AVEN: variants seen among roughly 807,000 people sequenced by gnomAD.
AVEN encodes cell death regulator Aven.
Under a neutral mutation model 38.1 loss-of-function variants are expected in AVEN, and 41 were observed. The ratio of observed to expected loss-of-function variants is 1.08; its 90% CI spans 0.84 to 1.40. The LOEUF (loss-of-function observed/expected upper bound fraction) is 1.40, where lower values mean the gene tolerates loss of function less well. Among genes scored for constraint, AVEN ranks in the 40% most tolerant of loss-of-function variants. AVEN has a pLI of 0.00. For synonymous variants in AVEN, 206 were observed against 171.8 expected (o/e 1.20, Z -1.56); for missense variants, 605 against 438.8 (o/e 1.38, Z -3.38).
chr15:34,006,800 T>C (rs1897369634), intron 1 of AVEN, among the ~76,000 whole-genome samples: 1 of 152,122 alleles, frequency 6.6e-6, no homozygotes, highest in Non-Finnish European at 1.5e-5. Flanking sequence ...AATATAATAA[T>C]AAAAAAGTTT....
chr15:33,876,734 A>C (rs1199345750), intron 2 of AVEN, among the ~76,000 whole-genome samples: 1 of 152,222 alleles, frequency 6.6e-6, no homozygotes, highest in Non-Finnish European at 1.5e-5. Flanking sequence ...CCTGGTCAGA[A>C]TGTCAAACAT....
At chr15:33,901,988 G>T (rs189841056) in intron 2 of AVEN, among the ~76,000 whole-genome samples, 187 of 152,100 alleles carry the variant, frequency 1.2e-3, no homozygotes, top group African/African-American at 4.4e-3. Context: ...TTGTTGACTG[G>T]TTTTTTGTTT....
chr15:33,945,331 A>G (rs1250734033), intron 2 of AVEN, among the ~76,000 whole-genome samples: 3 of 152,144 alleles, frequency 2.0e-5, no homozygotes, highest in African/African-American at 7.2e-5. Flanking sequence ...GCTTTTCTCC[A>G]CCGTAAGTGT....
intron 2 of AVEN, among the ~76,000 whole-genome samples, chr15:34,002,547 A>C (rs527363517): frequency 6.6e-6 from 1 of 152,314 alleles, no homozygotes; most frequent in Admixed American, 6.5e-5. Flanking sequence ...GACAGAGAAG[A>C]CTATCCAAAA....
chr15:33,854,352 A>T, downstream of AVEN: 1 of 1,527,272 alleles, frequency 6.5e-7, no homozygotes, highest in Non-Finnish European at 8.9e-7. Flanking sequence ...CTACCTCTTG[A>T]CATTTATAAG....
chr15:33,929,505 A>G (rs912759702), intron 2 of AVEN, among the ~76,000 whole-genome samples: 2 of 152,198 alleles, frequency 1.3e-5, no homozygotes, highest in African/African-American at 4.8e-5. Flanking sequence ...CTTGTGAGCT[A>G]CCCAAGTAAA....
chr15:33,913,629 T>C (rs1404952314), intron 2 of AVEN, among the ~76,000 whole-genome samples: 2 of 152,184 alleles, frequency 1.3e-5, no homozygotes, highest in African/African-American at 4.8e-5. Context: ...CAAATTACCT[T>C]AAGTCATTGA....
chr15:33,894,351 C>G (rs557460), intron 2 of AVEN, among the ~76,000 whole-genome samples: 124,486 of 151,818 alleles, frequency 0.82, 55,111 homozygotes, highest in Non-Finnish European at 0.98. Flanking sequence ...GCACTGGATA[C>G]TGCAGCTACA....
At chr15:33,872,382 C>G (rs144934379) in intron 3 of AVEN, among the ~76,000 whole-genome samples, 1 of 152,238 alleles carries the variant, frequency 6.6e-6, no homozygotes, top group South Asian at 2.1e-4. Context: ...AAAAACATAC[C>G]CTTCAATCAG....
chr15:34,060,964 C>G (rs139338888), intron 5 of AVEN, among the ~76,000 whole-genome samples: 3,153 of 149,978 alleles, frequency 0.021, 87 homozygotes, highest in African/African-American at 0.052. Context: ...TGCAGTGAGC[C>G]GAGATAGCGC....
Position 34,063,044 on chromosome 15 carries a change from G to A in AVEN, n.1515C>T. 2 of 1,614,192 alleles carry A rather than the reference G, an allele frequency of 1.2e-6. No homozygotes were observed. Among genetic ancestry groups the A allele is most frequent in the Non-Finnish European group, 1.7e-6 (2 of 1,180,036 alleles). On this transcript the variant is annotated non_coding_transcript_exon_variant, in exon 5 of 12. Transcript: ENST00000675287. This position sits in a 1 kb window ranked among gnomAD's most constrained non-coding sequence, Gnocchi z 4.1. ...TGGCTTGTGACCTTTGGCTTGCACTGGACTACGTGGCCAGCAACGCTTCTG... is the reference window on the plus strand; with the variant it reads ...TGGCTTGTGACCTTTGGCTTGCACTAGACTACGTGGCCAGCAACGCTTCTG...
At chr15:33,999,013 G>A (rs542842324) in intron 2 of AVEN, among the ~76,000 whole-genome samples, 2 of 152,254 alleles carry the variant, frequency 1.3e-5, no homozygotes, top group South Asian at 2.1e-4. Flanking sequence ...GCTCCATGTC[G>A]CCTATTAGAT....
chr15:33,950,797 G>C (rs1251642730), intron 2 of AVEN, among the ~76,000 whole-genome samples: 1 of 152,208 alleles, frequency 6.6e-6, no homozygotes. Context: ...CTTGAAGCCA[G>C]CAGTTCAAAG....
chr15:33,867,989 G>T, intron 4 of AVEN, 134 bp from the exon 5 acceptor site: 3 of 1,268,282 alleles, frequency 2.4e-6, no homozygotes, highest in South Asian at 1.6e-5. Context: ...TCACAAAGTG[G>T]CTCCTTTCCA....
At chr15:33,968,099 T>TAAAAA (rs71119906) in intron 2 of AVEN, among the ~76,000 whole-genome samples, 436 of 25,832 alleles carry the variant, frequency 0.017, 92 homozygotes, top group African/African-American at 0.031. Context: ...TAGCAAAGCT[T>TAAAAA]AAAAAAAAAA....
intron 2 of AVEN, among the ~76,000 whole-genome samples, chr15:33,927,126 G>A (rs1287809037): frequency 1.3e-5 from 2 of 151,816 alleles, no homozygotes; most frequent in Non-Finnish European, 2.9e-5. Context: ...GTGGTGGCGG[G>A]CGCCTGTAGT....
intron 2 of AVEN, among the ~76,000 whole-genome samples, chr15:33,949,389 ATATC>A (rs1567429384): frequency 6.6e-6 from 1 of 152,192 alleles, no homozygotes; most frequent in Non-Finnish European, 1.5e-5. Context: ...ATATTTCAAA[ATATC>A]TATAAGATTT....
chr15:33,863,958 C>A (rs1889479202), downstream of AVEN, among the ~76,000 whole-genome samples: 1 of 152,156 alleles, frequency 6.6e-6, no homozygotes, highest in Non-Finnish European at 1.5e-5. Flanking sequence ...TTTTGAGATT[C>A]ATGTGTGCTA....
downstream of AVEN, chr15:33,864,218 T>TTCTTTCTGATG (rs757166584): frequency 6.4e-7 from 1 of 1,566,402 alleles, no homozygotes; most frequent in African/African-American, 1.4e-5. Context: ...TATACCCGTG[T>TTCTTTCTGATG]TAGATCTCCC....
Sources: allele counts gnomAD v4.1 joint callset (sites outside exome capture counted in the v4.1 genomes callset), GRCh38; gene constraint gnomAD v4.1.1; non-coding constraint Gnocchi (gnomAD v3.1); transcripts MANE v1.5; gene names NCBI Gene and HGNC (gene_info 2026-07-23, HGNC 2026-07-21).